Variants in PLEKHG2 observed in about 807,000 individuals in gnomAD.
The protein encoded by PLEKHG2 is pleckstrin homology and RhoGEF domain containing G2, also known as pleckstrin homology domain-containing family G member 2.
PLEKHG2 carries 71 observed loss-of-function variants against 104.4 expected under a neutral mutation model. The observed-to-expected ratio is 0.68, with a 90% CI of 0.56 to 0.83. The LOEUF is 0.83. PLEKHG2 is among the 40% of genes least tolerant of loss of function. The pLI is 0.00. For missense variants in PLEKHG2, 1,730 were observed against 1,809.4 expected, an observed-to-expected ratio of 0.96 and a Z score of 0.80; for synonymous variants, 728 against 737.0, an observed-to-expected ratio of 0.99 and a Z score of 0.20.
Position 39,424,439 on chromosome 19 carries a change from A to G in PLEKHG2, c.3306A>G (p.Pro1102=). Residue 1102 remains proline, a synonymous_variant, in exon 19 of 19, where the codon CCA becomes CCG. Coordinates refer to ENST00000425673, the MANE Select transcript of PLEKHG2 (RefSeq NM_022835.3). The part of the protein sequence containing the change: ...DTLPPLPCHL[P]DLQIPGTSPL... The stretch of plus-strand genomic sequence containing the variant: ...TACCACCCTTGCCATGTCACCTCCC[A>G]GACCTTCAGATTCCAGGTACCTCAC... The G allele has an allele frequency of 6.2e-7, 1 of 1,614,036 alleles. No homozygotes were observed. The highest frequency in any genetic ancestry group is 8.5e-7 in the Non-Finnish European group (1 of 1,180,008).
rs2078551277 is a variant in PLEKHG2 at position 39,413,519 on chromosome 19, G to A, written c.-23+107G>A. ...GGGGCGAGCCGAGGCGCCGGCGGGA[G>A]TTGGGGGCTGGAGGGGTGTGGGAAG... On this transcript the variant is annotated intron_variant, in intron 1 of 18. Coordinates refer to ENST00000425673, the MANE Select transcript of PLEKHG2 (RefSeq NM_022835.3). The surrounding 1 kb of genome is among the most constrained non-coding windows in gnomAD (Gnocchi z 4.5). 6.6e-6 allele frequency: 1 copy of A among 152,136 alleles called. No individual in the cohort carries two copies. The highest frequency in any genetic ancestry group is 6.5e-5 in the Admixed American group (1 of 15,272). 9.4% of individuals were successfully genotyped at this position (152,136 alleles called of 1,614,324 possible).
intron 7 of PLEKHG2, 50 bp from the exon 8 acceptor site, chr19:39,417,505 C>T (rs915550761): frequency 6.3e-7 from 1 of 1,596,498 alleles, no homozygotes; most frequent in African/African-American, 1.3e-5. Flanking sequence ...TTCTCTTTCT[C>T]CTTCTCTGTT....
At position 39,424,853 on chromosome 19, in the gene PLEKHG2, A is replaced by T. The variant is rs150340180; in HGVS notation, c.3720A>T (p.Pro1240=). Residue 1240 remains proline (P), a synonymous_variant, in exon 19 of 19, where the codon CCA becomes CCT. Coordinates refer to ENST00000425673, the MANE Select transcript of PLEKHG2 (RefSeq NM_022835.3). ...AGACCACCATGGTTTTGTCCAAACC[A>T]GGAGGCTCCTTAGCCTCTCACGTTG... ...PVQTTMVLSK[P]GGSLASHVAR... is the part of the protein sequence containing the mutation. 104 of 1,614,190 alleles carry T rather than the reference A, an allele frequency of 6.4e-5. No homozygotes were observed. Among genetic ancestry groups the T allele is most frequent in the Non-Finnish European group, 8.5e-5 (100 of 1,180,034 alleles).
chr19:39,418,014 G>A lies in PLEKHG2; in HGVS notation c.992G>A (p.Arg331Gln), dbSNP rs768095654. ...RGGGGGGPRL[R>Q]GGERLLFLFS... The stretch of plus-strand genomic sequence containing the variant: ...GGCGGAGGGGGTGGCCCCCGGCTAC[G>A]AGGGGGTGAGCGGCTGCTCTTCCTG... The change falls in exon 9 of 19, where the codon CGA (arginine) becomes CAA (glutamine). Residue 331 changes from arginine to glutamine, a missense_variant. Arg to Gln is a conservative substitution (Grantham distance 43). Coordinates refer to ENST00000425673, the MANE Select transcript of PLEKHG2 (RefSeq NM_022835.3). The A allele has an allele frequency of 7.0e-6, 11 of 1,563,602 alleles. No individual in the cohort carries two copies. Among genetic ancestry groups the A allele is most frequent in the Admixed American group, 3.8e-5 (2 of 53,118 alleles).
In PLEKHG2 at chr19:39,424,827, C is replaced by G; in HGVS notation, c.3694C>G (p.Gln1232Glu). 1 of 1,614,222 alleles carries G rather than the reference C, an allele frequency of 6.2e-7. No individual in the cohort carries two copies. The highest frequency in any genetic ancestry group is 8.5e-7 in the Non-Finnish European group (1 of 1,180,026). Residue 1232 changes from glutamine (Q) to glutamate (E), a missense_variant, in exon 19 of 19, where the codon CAG becomes GAG. Physicochemically the swap from Gln to Glu is conservative, Grantham distance 29. Transcript: ENST00000425673. ...TCAGGGCCTCTCACCCACCCCAGTT[C>G]AGACCACCATGGTTTTGTCCAAACC... Reference protein sequence around the residue: ...DIQGLSPTPVQTTMVLSKPGG... With the variant: ...DIQGLSPTPVETTMVLSKPGG...
At chr19:39,414,897 C>T (rs1263782100) in intron 2 of PLEKHG2, 95 bp from the exon 3 acceptor site, 1 of 1,376,232 alleles carries the variant, frequency 7.3e-7, no homozygotes, top group Admixed American at 2.7e-5. Context: ...AGCTGTTGGA[C>T]AGGTGTGGGT....
rs1291643167 is a variant in PLEKHG2 at position 39,427,540 on chromosome 19, T to C, written c.*2246T>C. 1 of 149,652 alleles carries C rather than the reference T, an allele frequency of 6.7e-6. No individual in the cohort carries two copies. The highest frequency in any genetic ancestry group is 2.5e-5 in the African/African-American group (1 of 40,372). The allele number at this position is 149,652 out of a possible 1,614,324, so 9.3% of individuals were successfully genotyped here. ...GGATTTCGCCATATTGGCCAGGCCATAGTGGTCTTGGACTCCTGACCTCAG... is the reference window on the plus strand; with the variant it reads ...GGATTTCGCCATATTGGCCAGGCCACAGTGGTCTTGGACTCCTGACCTCAG... On this transcript the variant is annotated 3_prime_UTR_variant, in exon 19 of 19. Coordinates refer to ENST00000425673, the MANE Select transcript of PLEKHG2 (RefSeq NM_022835.3).
Position 39,424,847 on chromosome 19 carries a change from C to A in PLEKHG2, c.3714C>A (p.Ser1238=). ...CAGTTCAGACCACCATGGTTTTGTC[C>A]AAACCAGGAGGCTCCTTAGCCTCTC... The part of the protein sequence containing the change: ...PTPVQTTMVL[S]KPGGSLASHV... Residue 1238 remains serine (S), a synonymous_variant, in exon 19 of 19, where the codon TCC becomes TCA. Transcript: ENST00000425673. 1 of 1,614,200 alleles carries A rather than the reference C, an allele frequency of 6.2e-7. No individual in the cohort carries two copies. The highest frequency in any genetic ancestry group is 2.2e-5 in the East Asian group (1 of 44,884).
Position 39,423,581 on chromosome 19 carries a change from C to T in PLEKHG2, c.2527C>T (p.Pro843Ser), listed in dbSNP as rs1220612843. 2.0e-6 allele frequency: 3 copies of T among 1,533,232 alleles called. No individual in the cohort carries two copies. The highest frequency in any genetic ancestry group is 2.8e-5 in the African/African-American group (2 of 72,444). 95.0% of individuals were successfully genotyped at this position (1,533,232 alleles called of 1,614,324 possible). ...RAETRASANAPRRRPRVLAQP... is the reference protein window; with the variant it reads ...RAETRASANASRRRPRVLAQP... ...GGAGACTCGGGCATCAGCCAATGCC[C>T]CGCGCCGCCGGCCTCGGGTTCTGGC... The change falls in exon 18 of 19, where the codon CCG becomes TCG. Residue 843 changes from proline to serine, a missense_variant. Transcript: ENST00000425673.
intron 12 of PLEKHG2, 21 bp from the exon 13 acceptor site, chr19:39,420,729 AG>A (rs749438495): frequency 1.2e-6 from 2 of 1,614,166 alleles, no homozygotes; most frequent in Non-Finnish European, 1.7e-6. Context: ...GTTGGCTTTT[AG>A]CCCCAAAACT....
Position 39,415,194 on chromosome 19 carries a change from G to C in PLEKHG2, c.312G>C (p.Glu104Asp), listed in dbSNP as rs372487062. 7.6e-6 allele frequency: 12 copies of C among 1,589,154 alleles called. No homozygotes were observed. In the African/African-American group the frequency reaches 1.5e-4, roughly 20 times the overall value. ...GTTCAGCCAGACCCTCAAGGCTGGA[G>C]CGTGTGGCCCGGGAGATCGTGGAGA... ...IPGSARPSRL[E>D]RVAREIVETE... The change falls in exon 3 of 19, where the codon GAG (glutamate) becomes GAC (aspartate). Residue 104 changes from glutamate to aspartate, a missense_variant. Transcript: ENST00000425673. This position sits in a 1 kb window ranked among gnomAD's most constrained non-coding sequence, Gnocchi z 4.6.
At chr19:39,414,381 T>C in intron 2 of PLEKHG2, 186 bp downstream of exon 2, 1 of 602,368 alleles carries the variant, frequency 1.7e-6, no homozygotes, top group Non-Finnish European at 2.9e-6. Flanking sequence ...TGGTCAGGGC[T>C]GTGATCGTGG....
At position 39,413,913 on chromosome 19, in the gene PLEKHG2, C is replaced by T; in HGVS notation, c.-22-152C>T. ...CCAGGTTCTCTCTCCTTGTCCCCTT[C>T]TTTCTGTCACTTTGTGCCTCCCCCA... On this transcript the variant is annotated intron_variant, in intron 1 of 18. Coordinates refer to ENST00000425673, the MANE Select transcript of PLEKHG2 (RefSeq NM_022835.3). The surrounding 1 kb of genome is among the most constrained non-coding windows in gnomAD (Gnocchi z 4.5). The T allele has an allele frequency of 5.5e-6, 3 of 547,798 alleles. No homozygotes were observed. The highest frequency in any genetic ancestry group is 9.9e-6 in the Non-Finnish European group (3 of 303,256). The allele number at this position is 547,798 out of a possible 1,614,324, so 33.9% of individuals were successfully genotyped here.
At chr19:39,417,756 T>TTGGGGGGGGG in intron 8 of PLEKHG2, 64 bp downstream of exon 8, 1 of 343,354 alleles carries the variant, frequency 2.9e-6, no homozygotes, top group East Asian at 8.0e-5. Flanking sequence ...TTGGGGCGGG[T>TTGGGGGGGGG]GGGGGGAAAT....
At position 39,424,894 on chromosome 19, in the gene PLEKHG2, C is replaced by A. The variant is rs774685619; in HGVS notation, c.3761C>A (p.Ser1254Ter). The A allele has an allele frequency of 1.9e-6, 3 of 1,614,230 alleles. No individual in the cohort carries two copies. The highest frequency in any genetic ancestry group is 8.5e-7 in the Non-Finnish European group (1 of 1,180,042). The stretch of plus-strand genomic sequence containing the variant: ...TCTCACGTTGCCAGGTTGGAGTCTT[C>A]AGACTTGACGCCACCTCATAGTCCC... ...LASHVARLES[S>*]DLTPPHSPPP... Residue 1254 changes from serine to a stop codon, truncating the protein, a stop_gained, in exon 19 of 19, where the codon TCA becomes TAA. Coordinates refer to ENST00000425673, the MANE Select transcript of PLEKHG2 (RefSeq NM_022835.3). LOFTEE classifies it high-confidence loss of function.
chr19:39,416,395 C>T lies in PLEKHG2; in HGVS notation c.527C>T (p.Ala176Val). Residue 176 changes from alanine to valine, a missense_variant, in exon 5 of 19, where the codon GCC becomes GTC. By Grantham distance (64) the Ala-to-Val change is moderately conservative. Transcript: ENST00000425673. The surrounding 1 kb of genome is among the most constrained non-coding windows in gnomAD (Gnocchi z 4.5). ...LENSSSAGGI[A>V]ECFVQRSEDF... is the part of the protein sequence containing the mutation. ...AACAGCAGCAGCGCCGGGGGTATTG[C>T]CGAGTGCTTCGTGCAGAGGGTGAGT... is the stretch of plus-strand genomic sequence containing the variant. 1 of 1,613,162 alleles carries T rather than the reference C, an allele frequency of 6.2e-7. No individual in the cohort carries two copies. Among genetic ancestry groups the T allele is most frequent in the Non-Finnish European group, 8.5e-7 (1 of 1,179,796 alleles).
intron 7 of PLEKHG2, 23 bp from the exon 8 acceptor site, chr19:39,417,532 C>T (rs1390418146): frequency 5.6e-6 from 9 of 1,611,806 alleles, no homozygotes; most frequent in East Asian, 2.2e-5. Flanking sequence ...CCCATCCCTG[C>T]GTGCCTGGTG....
chr19:39,415,015 TC>T lies in PLEKHG2; in HGVS notation c.139del (p.Arg47GlufsTer9). On this transcript the variant is annotated frameshift_variant, in exon 3 of 19. Coordinates refer to ENST00000425673, the MANE Select transcript of PLEKHG2 (RefSeq NM_022835.3). LOFTEE classifies it high-confidence loss of function. This position sits in a 1 kb window ranked among gnomAD's most constrained non-coding sequence, Gnocchi z 4.6. ...AGCTCCTGCAGCCCCCACCATGGCC[TC>T]CCCCCGAGGTTCTGGGAGCTCCACA... ...RTAPAAPTMA[S>X]PRGSGSSTSL... is the part of the protein sequence containing the mutation. 1.3e-6 allele frequency: 2 copies of T among 1,596,012 alleles called. No homozygotes were observed. Among genetic ancestry groups the T allele is most frequent in the Non-Finnish European group, 1.7e-6 (2 of 1,169,554 alleles).
rs1287234686 is a variant in PLEKHG2, at chr19:39,422,925, C to T, written c.1871C>T (p.Ala624Val). The T allele has an allele frequency of 6.2e-7, 1 of 1,611,750 alleles. No homozygotes were observed. The highest frequency in any genetic ancestry group is 1.7e-5 in the Admixed American group (1 of 59,920). ...GAAGGGCTCGAAAGTTCCATTGCAG[C>T]TGAAATGCCCAGCATTCCCTGCCTT... is the stretch of plus-strand genomic sequence containing the variant. ...VLEGLESSIA[A>V]EMPSIPCLTK... The change falls in exon 18 of 19, where the codon GCT becomes GTT. Residue 624 changes from alanine to valine, a missense_variant. Ala to Val is a moderately conservative substitution (Grantham distance 64). Transcript: ENST00000425673.
Sources: allele counts gnomAD v4.1 joint callset, GRCh38; gene constraint gnomAD v4.1.1; non-coding constraint Gnocchi (gnomAD v3.1); transcripts MANE v1.5; gene names NCBI Gene and HGNC (gene_info 2026-07-23, HGNC 2026-07-21).